The following PCP4 variants were observed in gnomAD, a reference collection of about 807,000 sequenced individuals.
The protein encoded by PCP4 is Purkinje cell protein 4.
PCP4 carries 8 observed loss-of-function variants against 10.0 expected under a neutral mutation model. The observed-to-expected ratio is 0.80, with a 90% confidence interval of 0.47 to 1.45. The LOEUF (loss-of-function observed/expected upper bound fraction) is 1.45. Ranked by LOEUF, PCP4 falls within the 40% of genes most tolerant of loss-of-function variation. The pLI, the probability that PCP4 is intolerant of heterozygous loss-of-function variation, is 0.00. For synonymous variants in PCP4, 21 were observed against 23.0 expected (o/e 0.91, Z 0.24); for missense variants, 54 against 74.4 (o/e 0.73, Z 1.01).
intron 1 of PCP4, among the ~76,000 whole-genome samples, chr21:39,871,906 G>C (rs900674380): frequency 6.6e-6 from 1 of 152,042 alleles, no homozygotes; most frequent in Non-Finnish European, 1.5e-5. Flanking sequence ...TTTATTAAAG[G>C]TTTAGTGAAG....
chr21:39,928,198 C>T (rs904607386), intron 2 of PCP4, among the ~76,000 whole-genome samples: 8 of 152,168 alleles, frequency 5.3e-5, no homozygotes, highest in African/African-American at 1.4e-4. Flanking sequence ...CGCCGGGTCT[C>T]ATCAGACTAG....
chr21:39,914,493 A>G (rs992851064), intron 2 of PCP4, among the ~76,000 whole-genome samples: 1 of 149,094 alleles, frequency 6.7e-6, no homozygotes, highest in Non-Finnish European at 1.5e-5. Flanking sequence ...AGGCAGGAGA[A>G]TCTCTTGAAC....
intron 1 of PCP4, among the ~76,000 whole-genome samples, chr21:39,890,097 G>T (rs964836360): frequency 1.3e-5 from 2 of 152,212 alleles, no homozygotes; most frequent in Admixed American, 6.5e-5. Flanking sequence ...CAGCATTCTA[G>T]AAGTCGTGTA....
intron 1 of PCP4, 49 bp from the exon 2 acceptor site, chr21:39,898,427 C>T (rs185480998): frequency 2.2e-5 from 31 of 1,439,908 alleles, no homozygotes; most frequent in East Asian, 6.8e-5. Context: ...AAAGTAATCC[C>T]GAGTATATCT....
At chr21:39,916,545 G>T (rs950575125) in intron 2 of PCP4, among the ~76,000 whole-genome samples, 8 of 152,186 alleles carry the variant, frequency 5.3e-5, no homozygotes, top group African/African-American at 1.9e-4. Flanking sequence ...CATTGTGGAA[G>T]ACAGTGTGGC....
chr21:39,900,091 A>G (rs2087475720), intron 2 of PCP4, among the ~76,000 whole-genome samples: 1 of 152,034 alleles, frequency 6.6e-6, no homozygotes, highest in Non-Finnish European at 1.5e-5. Context: ...CTGGAGTGCA[A>G]TGGGACAATC....
intron 1 of PCP4, among the ~76,000 whole-genome samples, chr21:39,895,071 C>T (rs751852643): frequency 1.3e-5 from 2 of 152,018 alleles, no homozygotes; most frequent in Admixed American, 6.6e-5. Flanking sequence ...ATCCACACAC[C>T]CATTCATCCA....
chr21:39,900,730 A>T (rs1437155914), intron 2 of PCP4, among the ~76,000 whole-genome samples: 1 of 152,030 alleles, frequency 6.6e-6, no homozygotes, highest in African/African-American at 2.4e-5. Context: ...TTCCTCATAG[A>T]TAAGAATGAA....
intron 1 of PCP4, among the ~76,000 whole-genome samples, chr21:39,880,670 C>T (rs921153452): frequency 1.2e-4 from 18 of 152,188 alleles, no homozygotes; most frequent in Non-Finnish European, 1.9e-4. Context: ...CTCACTTCTT[C>T]TTCCTGAGTA....
chr21:39,897,928 C>T (rs1477523771), intron 1 of PCP4, among the ~76,000 whole-genome samples: 1 of 151,600 alleles, frequency 6.6e-6, no homozygotes, highest in African/African-American at 2.4e-5. Flanking sequence ...CGCCTGTAGT[C>T]CCAGCCACCT....
intron 1 of PCP4, among the ~76,000 whole-genome samples, chr21:39,868,527 G>A (rs1243417294): frequency 1.3e-5 from 2 of 152,190 alleles, no homozygotes; most frequent in Non-Finnish European, 2.9e-5. Flanking sequence ...GGGGTTTGAG[G>A]CAGGGAGAGA....
chr21:39,909,968 G>T (rs1469792966), intron 2 of PCP4, among the ~76,000 whole-genome samples: 1 of 151,914 alleles, frequency 6.6e-6, no homozygotes, highest in Non-Finnish European at 1.5e-5. Context: ...GCTAATTTTT[G>T]TATTTTTAGT....
intron 1 of PCP4, among the ~76,000 whole-genome samples, chr21:39,870,845 C>CT (rs929035001): frequency 6.6e-5 from 10 of 152,174 alleles, no homozygotes; most frequent in Non-Finnish European, 1.3e-4. Flanking sequence ...ATGGGCTGGG[C>CT]TTTTTTCTTG....
At chr21:39,895,081 A>G (rs1007693908) in intron 1 of PCP4, among the ~76,000 whole-genome samples, 1 of 151,814 alleles carries the variant, frequency 6.6e-6, no homozygotes, top group African/African-American at 2.4e-5. Flanking sequence ...CCATTCATCC[A>G]TCCACCCACC....
intron 1 of PCP4, among the ~76,000 whole-genome samples, chr21:39,893,547 TC>T (rs1271211597): frequency 6.6e-6 from 1 of 152,230 alleles, no homozygotes; most frequent in African/African-American, 2.4e-5. Flanking sequence ...CTCATCTGCC[TC>T]CTGGATCCTC....
intron 1 of PCP4, among the ~76,000 whole-genome samples, chr21:39,891,394 C>A (rs1301152966): frequency 6.6e-6 from 1 of 152,238 alleles, no homozygotes; most frequent in Non-Finnish European, 1.5e-5. Flanking sequence ...CAGGCAGATG[C>A]AAGGTGCAAG....
At chr21:39,895,211 C>A (rs942108263) in intron 1 of PCP4, among the ~76,000 whole-genome samples, 3 of 152,200 alleles carry the variant, frequency 2.0e-5, no homozygotes, top group African/African-American at 7.2e-5. Context: ...ATCCATTCAT[C>A]CATTCAACTA....
intron 1 of PCP4, chr21:39,883,722 C>T (rs1338937242): frequency 6.6e-6 from 1 of 152,120 alleles, no homozygotes; most frequent in Non-Finnish European, 1.5e-5. Context: ...GGAGCAGAAT[C>T]ATTTATTTGT....
At chr21:39,890,575 G>C (rs1397978110) in intron 1 of PCP4, among the ~76,000 whole-genome samples, 1 of 151,116 alleles carries the variant, frequency 6.6e-6, no homozygotes, top group Admixed American at 6.6e-5. Flanking sequence ...CACCATGTTG[G>C]CCAGGCTGGT....
Sources: gnomAD v4.1 joint callset for allele counts (sites outside exome capture counted in the v4.1 genomes callset) on GRCh38, gnomAD v4.1.1 for gene constraint, MANE v1.5 for transcripts, NCBI Gene and HGNC (gene_info 2026-07-23, HGNC 2026-07-21) for gene names.